The following COG5 variants were observed in gnomAD, a reference collection of about 807,000 sequenced individuals.
COG5 encodes component of oligomeric golgi complex 5.
In COG5, 86 loss-of-function variants were observed where a neutral mutation model predicts 110.4. That is an observed-to-expected ratio of 0.78 (90% CI 0.65 to 0.93). The LOEUF (loss-of-function observed/expected upper bound fraction) is 0.93, where lower values mean the gene tolerates loss of function less well. Among genes scored for constraint, COG5 ranks in the 40% least tolerant of loss-of-function variants. COG5 has a pLI of 0.00. For missense variants in COG5, 1,077 were observed against 987.0 expected, an observed-to-expected ratio of 1.09 and a Z score of -1.22; for synonymous variants, 360 against 334.6, an observed-to-expected ratio of 1.08 and a Z score of -0.83.
chr7:107,305,726 C>G (rs1237989859), intron 11 of COG5, among the ~76,000 whole-genome samples: 1 of 151,912 alleles, frequency 6.6e-6, no homozygotes, highest in African/African-American at 2.4e-5. Context: ...GAGCTGAGAG[C>G]CTCAGTTTCT....
chr7:107,277,891 A>C (rs1804829731), intron 14 of COG5, among the ~76,000 whole-genome samples: 1 of 152,184 alleles, frequency 6.6e-6, no homozygotes, highest in Non-Finnish European at 1.5e-5. Flanking sequence ...CATAAAAATA[A>C]TTTCAGATGT....
intron 10 of COG5, among the ~76,000 whole-genome samples, chr7:107,351,613 GA>G (rs573112798): frequency 3.3e-5 from 5 of 151,238 alleles, no homozygotes; most frequent in African/African-American, 1.2e-4. Context: ...AAATTTACAA[GA>G]AAAAAAACAA....
chr7:107,298,217 G>A lies in COG5; in HGVS notation c.1238C>T (p.Thr413Ile), dbSNP rs147389453. 48 of 1,613,572 alleles carry A rather than the reference G, an allele frequency of 3.0e-5. No individual in the cohort carries two copies. The highest frequency in any genetic ancestry group is 1.6e-4 in the Middle Eastern group (1 of 6,076). The change falls in exon 12 of 22, where the codon ACA (threonine) becomes ATA (isoleucine). Residue 413 changes from threonine (T) to isoleucine (I), a missense_variant. Thr to Ile is a moderately conservative substitution (Grantham distance 89). Transcript: ENST00000297135. ...IQGNFNASGT[T>I]DLYVDLQHME... ...GTGTTGTAGGTCAACATAGAGGTCT[G>A]TAGTTCCACTTGCATTAAAATTCCC...
intron 6 of COG5, among the ~76,000 whole-genome samples, chr7:107,459,271 C>T (rs1281096258): frequency 1.3e-5 from 2 of 151,916 alleles, no homozygotes; most frequent in African/African-American, 4.8e-5. Context: ...ATATATGATG[C>T]AAACTATATA....
chr7:107,379,528 T>A (rs960216744), intron 7 of COG5, among the ~76,000 whole-genome samples: 16 of 147,594 alleles, frequency 1.1e-4, no homozygotes, highest in East Asian at 4.1e-4. Context: ...AGGAGACCCA[T>A]CTCACGTGCA....
At chr7:107,374,212 T>C (rs1165827103) in intron 7 of COG5, among the ~76,000 whole-genome samples, 3 of 152,114 alleles carry the variant, frequency 2.0e-5, no homozygotes, top group Non-Finnish European at 4.4e-5. Flanking sequence ...ACAAGGGGTA[T>C]AGCATTTGCT....
intron 5 of COG5, among the ~76,000 whole-genome samples, chr7:107,539,902 T>C (rs1444570564): frequency 6.6e-6 from 1 of 152,172 alleles, no homozygotes; most frequent in Middle Eastern, 3.2e-3. Context: ...TCTGTGATCT[T>C]TGAGAGAAAC....
chr7:107,367,872 C>T (rs531651910), intron 8 of COG5, among the ~76,000 whole-genome samples: 1 of 152,058 alleles, frequency 6.6e-6, no homozygotes, highest in East Asian at 1.9e-4. Context: ...TCTTAGACTT[C>T]ACCACTATAC....
intron 7 of COG5, among the ~76,000 whole-genome samples, chr7:107,374,387 T>A (rs1447000759): frequency 6.6e-6 from 1 of 152,064 alleles, no homozygotes; most frequent in African/African-American, 2.4e-5. Context: ...CTCATAAAAC[T>A]AGAATACAGA....
At chr7:107,499,345 T>G (rs1014189225) in intron 6 of COG5, among the ~76,000 whole-genome samples, 1 of 151,938 alleles carries the variant, frequency 6.6e-6, no homozygotes, top group African/African-American at 2.4e-5. Context: ...ATCACCACAC[T>G]AACGTAAGGT....
chr7:107,377,626 T>C (rs80328263), intron 7 of COG5, among the ~76,000 whole-genome samples: 298 of 152,332 alleles, frequency 2.0e-3, no homozygotes, highest in African/African-American at 6.9e-3. Flanking sequence ...CTCTACCACA[T>C]AGCAGTCAAA....
intron 11 of COG5, among the ~76,000 whole-genome samples, chr7:107,298,696 T>G (rs1806978311): frequency 6.6e-6 from 1 of 152,186 alleles, no homozygotes; most frequent in South Asian, 2.1e-4. Flanking sequence ...CTTAATAATT[T>G]ACATTCACAC....
At chr7:107,503,773 A>G (rs1482673098) in intron 6 of COG5, among the ~76,000 whole-genome samples, 1 of 152,104 alleles carries the variant, frequency 6.6e-6, no homozygotes, top group Non-Finnish European at 1.5e-5. Context: ...AAAGGGGCTA[A>G]GTTCTTGATT....
At chr7:107,403,261 G>C (rs1391049906) in intron 7 of COG5, among the ~76,000 whole-genome samples, 1 of 152,108 alleles carries the variant, frequency 6.6e-6, no homozygotes, top group South Asian at 2.1e-4. Flanking sequence ...AAATACCATA[G>C]ACTGGGCTTA....
intron 6 of COG5, among the ~76,000 whole-genome samples, chr7:107,478,148 T>C (rs1797102139): frequency 6.6e-6 from 1 of 151,914 alleles, no homozygotes; most frequent in African/African-American, 2.4e-5. Context: ...CCGCATAGTA[T>C]TTTAAATACC....
At chr7:107,336,884 G>A (rs1032112633) in intron 10 of COG5, among the ~76,000 whole-genome samples, 3 of 152,084 alleles carry the variant, frequency 2.0e-5, no homozygotes, top group African/African-American at 7.2e-5. Flanking sequence ...GCCAAGACCA[G>A]TGCAGACCGC....
intron 7 of COG5, among the ~76,000 whole-genome samples, chr7:107,385,614 CAAAT>C (rs1362817604): frequency 3.9e-5 from 6 of 152,022 alleles, no homozygotes; most frequent in Non-Finnish European, 2.9e-5. Context: ...CAAAAAAAGA[CAAAT>C]AATGTATGAT....
At chr7:107,555,452 T>A (rs1803237233) in intron 2 of COG5, among the ~76,000 whole-genome samples, 1 of 152,230 alleles carries the variant, frequency 6.6e-6, no homozygotes, top group Non-Finnish European at 1.5e-5. Context: ...TCTGTCAAGT[T>A]TCTTTCTATC....
chr7:107,290,561 G>A (rs992453470), intron 12 of COG5, among the ~76,000 whole-genome samples: 12 of 152,242 alleles, frequency 7.9e-5, no homozygotes, highest in African/African-American at 2.4e-4. Context: ...GGGGTCACTC[G>A]CTTTCAGCCT....
Sources: allele counts gnomAD v4.1 joint callset (sites outside exome capture counted in the v4.1 genomes callset), GRCh38; gene constraint gnomAD v4.1.1; transcripts MANE v1.5; gene names NCBI Gene and HGNC (gene_info 2026-07-23, HGNC 2026-07-21).